The following MAPK10 variants were observed in gnomAD, a reference collection of about 807,000 sequenced individuals.
MAPK10 encodes the protein mitogen-activated protein kinase 10.
MAPK10 carries 25 observed loss-of-function variants against 59.3 expected under a neutral mutation model. The ratio of observed to expected loss-of-function variants is 0.42; its 90% CI spans 0.31 to 0.59. MAPK10 has a LOEUF of 0.59. MAPK10 is among the 20% of genes least tolerant of loss of function. The probability of loss-of-function intolerance (pLI) is 0.15; values close to 1 mark genes in which losing one functional copy is unlikely to be tolerated. For synonymous variants in MAPK10, 190 were observed against 200.5 expected, an observed-to-expected ratio of 0.95 and a Z score of 0.44; for missense variants, 351 against 568.9, an observed-to-expected ratio of 0.62 and a Z score of 3.90.
intron 4 of MAPK10, among the ~76,000 whole-genome samples, chr4:86,140,923 C>A (rs1236236803): frequency 1.3e-5 from 2 of 151,940 alleles, no homozygotes; most frequent in African/African-American, 4.8e-5. Flanking sequence ...TTGTCAACAG[C>A]AATTTTCAAA....
In MAPK10 at chr4:86,577,317, A is replaced by T. The variant is rs12502487; in HGVS notation, c.-263+16593T>A. Among the ~76,000 whole-genome samples the T allele has an allele frequency of 9.0e-3, 1,371 of 152,150 alleles. 8 individuals are homozygous for T. The highest frequency in any genetic ancestry group is 0.013 in the Non-Finnish European group (916 of 68,000). On this transcript the variant is annotated intron_variant, in intron 1 of 4. Transcript: ENST00000502302. ...CAGAGAAAGACCTTGTCTCAAAAAAATTTTTTTTAATTAAAAAGAAAGATG... is the reference window on the plus strand; with the variant it reads ...CAGAGAAAGACCTTGTCTCAAAAAATTTTTTTTTAATTAAAAAGAAAGATG...
At chr4:86,376,652 C>T (rs947277529) in intron 1 of MAPK10, among the ~76,000 whole-genome samples, 4 of 152,056 alleles carry the variant, frequency 2.6e-5, no homozygotes, top group East Asian at 1.9e-4. Flanking sequence ...TTATTAAGGA[C>T]GTATATAATT....
chr4:86,222,513 C>T (rs2089860563), intron 2 of MAPK10, among the ~76,000 whole-genome samples: 1 of 152,216 alleles, frequency 6.6e-6, no homozygotes, highest in Non-Finnish European at 1.5e-5. Context: ...AGGGTCACTG[C>T]AACTTCACAG....
chr4:86,284,109 T>C (rs946154040), intron 2 of MAPK10, among the ~76,000 whole-genome samples: 1 of 152,232 alleles, frequency 6.6e-6, no homozygotes. Flanking sequence ...ATTGAGCATT[T>C]ACTATGTATC....
chr4:86,139,001 A>G (rs933731562), intron 4 of MAPK10, among the ~76,000 whole-genome samples: 1 of 62,862 alleles, frequency 1.6e-5, no homozygotes, highest in African/African-American at 3.1e-5. Flanking sequence ...CTTCAAGGAG[A>G]ACTACAAACC....
chr4:86,527,109 G>A (rs985728123), intron 1 of MAPK10, among the ~76,000 whole-genome samples: 1 of 151,826 alleles, frequency 6.6e-6, no homozygotes, highest in Admixed American at 6.6e-5. Context: ...AGGCATTTGA[G>A]ACCAGTCTGG....
intron 1 of MAPK10, among the ~76,000 whole-genome samples, chr4:86,547,998 A>C (rs1759380915): frequency 6.6e-6 from 1 of 152,208 alleles, no homozygotes; most frequent in South Asian, 2.1e-4. Flanking sequence ...AGACAAGAGA[A>C]TAAAAGCAGG....
At chr4:86,018,748 G>A (rs567488137) in intron 13 of MAPK10, among the ~76,000 whole-genome samples, 5 of 152,150 alleles carry the variant, frequency 3.3e-5, no homozygotes, top group African/African-American at 1.2e-4. Flanking sequence ...AAAATCTGTA[G>A]TATAGTCCCC....
chr4:86,242,039 G>GTT (rs2092755652), intron 2 of MAPK10, among the ~76,000 whole-genome samples: 2 of 152,050 alleles, frequency 1.3e-5, no homozygotes, highest in African/African-American at 2.4e-5. Context: ...TGTTGTTGTT[G>GTT]GTGGTGGTGG....
chr4:86,568,424 A>T (rs1672545010), intron 1 of MAPK10, among the ~76,000 whole-genome samples: 1 of 152,206 alleles, frequency 6.6e-6, no homozygotes, highest in African/African-American at 2.4e-5. Flanking sequence ...TCACAGAATT[A>T]GAAAAAATAA....
At chr4:86,191,620 T>C (rs1364820122) in intron 3 of MAPK10, 1 of 135,216 alleles carries the variant, frequency 7.4e-6, no homozygotes, top group Non-Finnish European at 1.6e-5. Flanking sequence ...TAACTATTCC[T>C]CCATCCCATT....
At chr4:86,256,883 G>GGCGCCCGCCATT (rs376706235) in intron 2 of MAPK10, among the ~76,000 whole-genome samples, 4 of 76,062 alleles carry the variant, frequency 5.3e-5, no homozygotes, top group African/African-American at 2.8e-4. Context: ...TGGGACTACA[G>GGCGCCCGCCATT]GCGCCCGCCA....
At chr4:86,207,381 G>T (rs2084377468) in intron 2 of MAPK10, among the ~76,000 whole-genome samples, 1 of 151,892 alleles carries the variant, frequency 6.6e-6, no homozygotes, top group Non-Finnish European at 1.5e-5. Flanking sequence ...ATTTCTGAGG[G>T]CTCTGTTCTG....
rs182810836 is a variant in MAPK10, at chr4:86,347,062, C to G, written c.-7+7468G>C. On this transcript the variant is annotated intron_variant, in intron 2 of 13. Coordinates refer to ENST00000641462, the MANE Select transcript of MAPK10 (RefSeq NM_138982.4). ...GATTGTCCAGTCAAATTTGAAAGAG[C>G]TTAAAAGTCAGTCTCAGGATTTAAA... is the stretch of plus-strand genomic sequence containing the variant. Among the ~76,000 whole-genome samples the G allele has an allele frequency of 2.9e-3, 441 of 152,164 alleles. 3 individuals are homozygous for G. The highest frequency in any genetic ancestry group is 4.2e-3 in the Non-Finnish European group (286 of 67,990).
At chr4:86,263,462 C>T (rs531615872) in intron 2 of MAPK10, among the ~76,000 whole-genome samples, 2 of 152,286 alleles carry the variant, frequency 1.3e-5, no homozygotes, top group South Asian at 4.1e-4. Flanking sequence ...TAGCTGGAAT[C>T]GCCTTTAACC....
At chr4:86,210,765 T>C (rs938854208) in intron 2 of MAPK10, among the ~76,000 whole-genome samples, 6 of 151,452 alleles carry the variant, frequency 4.0e-5, no homozygotes, top group Non-Finnish European at 7.4e-5. Context: ...AAAGGCCAGA[T>C]GGCAAAACTA....
intron 2 of MAPK10, among the ~76,000 whole-genome samples, chr4:86,290,424 T>C (rs1365211542): frequency 6.6e-6 from 1 of 152,232 alleles, no homozygotes; most frequent in Non-Finnish European, 1.5e-5. Context: ...TTACTCAAAA[T>C]TACCTACTTG....
At chr4:86,097,907 T>C (rs1441656999) in intron 9 of MAPK10, among the ~76,000 whole-genome samples, 2 of 152,150 alleles carry the variant, frequency 1.3e-5, no homozygotes, top group African/African-American at 2.4e-5. Context: ...CAAGCATGTA[T>C]GTCTATGTCA....
intron 2 of MAPK10, among the ~76,000 whole-genome samples, chr4:86,279,814 C>T (rs576236283): frequency 6.6e-6 from 1 of 152,248 alleles, no homozygotes; most frequent in East Asian, 1.9e-4. Context: ...CCACACTCCC[C>T]GCAAGTGGAA....
Sources: allele counts gnomAD v4.1 joint callset (sites outside exome capture counted in the v4.1 genomes callset), GRCh38; gene constraint gnomAD v4.1.1; transcripts MANE v1.5; gene names NCBI Gene and HGNC (gene_info 2026-07-23, HGNC 2026-07-21).